Variants in MYO1E observed in about 807,000 individuals in gnomAD.
MYO1E encodes unconventional myosin-Ie.
In MYO1E, 68 loss-of-function variants were observed where a neutral mutation model predicts 151.1. That is an observed-to-expected ratio of 0.45 (90% CI 0.37 to 0.55). The LOEUF is 0.55. Ranked by LOEUF, MYO1E falls within the 20% of genes least tolerant of loss-of-function variation. The pLI is 0.00. For synonymous variants in MYO1E, 601 were observed against 501.7 expected (o/e 1.20, Z -2.64); for missense variants, 1,363 against 1,389.3 (o/e 0.98, Z 0.30).
At chr15:59,295,738 A>C (rs2080444655) in intron 1 of MYO1E, among the ~76,000 whole-genome samples, 1 of 152,154 alleles carries the variant, frequency 6.6e-6, no homozygotes. Context: ...TACAGCGTGG[A>C]AAGGCTGGCA....
In MYO1E at chr15:59,173,901, A is replaced by G. The variant is rs774695459; in HGVS notation, c.2179T>C (p.Leu727=). ...TTTCTCCTTCTCTCCTTCTTGTTCA[A>G]TAAGAGGTCTGAGGCTACAATTCCC... The part of the protein sequence containing the change: ...QMREEASDLL[L]NKKERRRNSI... Residue 727 remains leucine (L), a synonymous_variant, in exon 21 of 28, where the codon TTG becomes CTG. Transcript: ENST00000288235. The G allele has an allele frequency of 1.1e-5, 18 of 1,614,008 alleles. No individual in the cohort carries two copies. The highest frequency in any genetic ancestry group is 2.7e-5 in the African/African-American group (2 of 74,926).
chr15:59,242,143 T>C (rs1422141448), intron 4 of MYO1E, among the ~76,000 whole-genome samples: 1 of 152,206 alleles, frequency 6.6e-6, no homozygotes, highest in Non-Finnish European at 1.5e-5. Context: ...CAAGGCAGCA[T>C]ACCGACAAAC....
chr15:59,268,918 A>G (rs1367561579), intron 2 of MYO1E, among the ~76,000 whole-genome samples: 1 of 151,660 alleles, frequency 6.6e-6, no homozygotes, highest in Non-Finnish European at 1.5e-5. Context: ...CTGACTACGG[A>G]CATCATTTGT....
chr15:59,274,376 G>C (rs1176671729), intron 1 of MYO1E, among the ~76,000 whole-genome samples: 1 of 152,182 alleles, frequency 6.6e-6, no homozygotes, highest in African/African-American at 2.4e-5. Flanking sequence ...TGACTCACTA[G>C]ATTTCCATTG....
chr15:59,241,809 C>A (rs1436957218), intron 4 of MYO1E, among the ~76,000 whole-genome samples: 1 of 151,920 alleles, frequency 6.6e-6, no homozygotes, highest in Non-Finnish European at 1.5e-5. Context: ...GTCCTAGTTA[C>A]TTTGGAGGCT....
chr15:59,202,886 T>C (rs368240943), intron 15 of MYO1E, among the ~76,000 whole-genome samples: 10 of 152,192 alleles, frequency 6.6e-5, no homozygotes, highest in Middle Eastern at 3.4e-3. Flanking sequence ...GCACTATATA[T>C]AGGCAGACGC....
chr15:59,195,601 C>T, intron 16 of MYO1E, 34 bp from the exon 17 acceptor site: 1 of 1,578,840 alleles, frequency 6.3e-7, no homozygotes, highest in Non-Finnish European at 8.7e-7. Context: ...AATCATGGAA[C>T]TTTCTCTAAA....
rs541267372 is a variant in MYO1E, at chr15:59,264,294, G to T, written c.148-2785C>A. ...GAGAAATTTTTAAAAGTTGCTTAAG[G>T]TCACACACTATAAGTGGCAGAGCTA... On this transcript the variant is annotated intron_variant, in intron 2 of 27. Coordinates refer to ENST00000288235, the MANE Select transcript of MYO1E (RefSeq NM_004998.4). Among the ~76,000 whole-genome samples, 6 of 152,278 alleles carry T rather than the reference G, an allele frequency of 3.9e-5. No individual in the cohort carries two copies. The South Asian group carries it at 1.0e-3, about 26-fold the overall frequency.
chr15:59,170,152 CTCTG>C (rs2079583798), intron 22 of MYO1E, among the ~76,000 whole-genome samples: 1 of 150,732 alleles, frequency 6.6e-6, no homozygotes, highest in Non-Finnish European at 1.5e-5. Flanking sequence ...CAGAGCGAGA[CTCTG>C]TCTAAAACAA....
At chr15:59,295,648 A>G (rs987697531) in intron 1 of MYO1E, among the ~76,000 whole-genome samples, 2 of 152,166 alleles carry the variant, frequency 1.3e-5, no homozygotes, top group Non-Finnish European at 2.9e-5. Flanking sequence ...GTGTTTCACA[A>G]CTTAGCCGTT....
intron 25 of MYO1E, 80 bp from the exon 26 acceptor site, chr15:59,153,871 TACTACAAG>T (rs2140307052): frequency 7.5e-7 from 1 of 1,336,532 alleles, no homozygotes; most frequent in Non-Finnish European, 1.1e-6. Context: ...TTCTTCCATG[TACTACAAG>T]GGCAGCTTAC....
chr15:59,180,224 T>C (rs182725866), intron 18 of MYO1E, among the ~76,000 whole-genome samples: 50 of 152,360 alleles, frequency 3.3e-4, no homozygotes, highest in Admixed American at 1.1e-3. Context: ...ATAACATTCA[T>C]ATATGTTATA....
At chr15:59,236,481 A>G in intron 5 of MYO1E, 104 bp downstream of exon 5, 1 of 914,140 alleles carries the variant, frequency 1.1e-6, no homozygotes, top group African/African-American at 1.6e-5. Context: ...GTTATAGAAG[A>G]ACCAGTGTCT....
chr15:59,273,893 TG>T (rs2080303130), intron 1 of MYO1E, among the ~76,000 whole-genome samples: 1 of 151,748 alleles, frequency 6.6e-6, no homozygotes, highest in South Asian at 2.1e-4. Context: ...GGACTTCGAA[TG>T]AAGAAGAGAA....
At chr15:59,206,033 C>G (rs1320297316) in intron 14 of MYO1E, among the ~76,000 whole-genome samples, 2 of 152,030 alleles carry the variant, frequency 1.3e-5, no homozygotes, top group Non-Finnish European at 2.9e-5. Flanking sequence ...ATGGATGAGA[C>G]CAGGGGATTT....
chr15:59,161,035 G>A lies in MYO1E; in HGVS notation c.2785+38C>T, dbSNP rs374672695. ...ATTTGCTCGGGAGACTCGGGGGAGC[G>A]GCGGCAGTTCTGCCTGCAGGGCCCG... On this transcript the variant is annotated intron_variant, in intron 24 of 27. Coordinates refer to ENST00000288235, the MANE Select transcript of MYO1E (RefSeq NM_004998.4). 70 of 1,611,342 alleles carry A rather than the reference G, an allele frequency of 4.3e-5. 2 individuals are homozygous for A. The highest frequency in any genetic ancestry group is 4.2e-4 in the South Asian group (38 of 90,968).
At chr15:59,222,989 A>T (rs1196813142) in intron 9 of MYO1E, 70 bp downstream of exon 9, 17 of 1,596,748 alleles carry the variant, frequency 1.1e-5, no homozygotes, top group Non-Finnish European at 1.5e-5. Flanking sequence ...TAAGCAAAGG[A>T]AAGTGCTAGG....
At chr15:59,362,974 T>TCC (rs1163756066) in intron 1 of MYO1E, among the ~76,000 whole-genome samples, 1 of 89,522 alleles carries the variant, frequency 1.1e-5, no homozygotes, top group Non-Finnish European at 2.7e-5. Flanking sequence ...TAGTATGACT[T>TCC]TCTTTTTTTT....
chr15:59,181,179 A>T (rs1382728823), intron 18 of MYO1E, among the ~76,000 whole-genome samples: 1 of 152,166 alleles, frequency 6.6e-6, no homozygotes. Flanking sequence ...TTGCCCGTGA[A>T]GTGGAACGCC....
Sources: allele counts gnomAD v4.1 joint callset (sites outside exome capture counted in the v4.1 genomes callset), GRCh38; gene constraint gnomAD v4.1.1; transcripts MANE v1.5; gene names NCBI Gene and HGNC (gene_info 2026-07-23, HGNC 2026-07-21).